ADGRD1: variants seen among roughly 807,000 people sequenced by gnomAD.
The protein encoded by ADGRD1 is G-protein coupled receptor 133.
A neutral mutation model predicts 113.4 loss-of-function variants in ADGRD1; 77 were observed. That is an observed-to-expected ratio of 0.68 (90% CI 0.57 to 0.82). ADGRD1 has a LOEUF of 0.82. Among genes scored for constraint, ADGRD1 ranks in the 40% least tolerant of loss-of-function variants. The pLI, the probability that ADGRD1 is intolerant of heterozygous loss-of-function variation, is 0.00. For missense variants in ADGRD1, 1,036 were observed against 1,139.1 expected (o/e 0.91, Z 1.30); for synonymous variants, 474 against 475.0 (o/e 1.00, Z 0.03).
intron 5 of ADGRD1, among the ~76,000 whole-genome samples, 165 bp downstream of exon 5, chr12:130,982,228 G>A (rs1445867083): frequency 2.0e-5 from 3 of 152,188 alleles, no homozygotes; most frequent in Admixed American, 2.0e-4. Flanking sequence ...TGCATGGGGA[G>A]AGGCAAGGAG....
chr12:131,005,842 C>T lies in ADGRD1; in HGVS notation c.1256-130C>T, dbSNP rs1877033711. 5 of 720,616 alleles carry T rather than the reference C, an allele frequency of 6.9e-6. No homozygotes were observed. The East Asian group carries it at 1.3e-4, about 19-fold the overall frequency. 44.6% of individuals were successfully genotyped at this position (720,616 alleles called of 1,614,324 possible). A position where few individuals can be genotyped will look rare whatever the true frequency, so the allele number is the denominator to read the frequency against. ...TTGCAAATTCTGCCCGAGTGTCCTT[C>T]ACTTCCTTCTCCCCAGAGGGTTCTT... On this transcript the variant is annotated intron_variant, in intron 11 of 24. Coordinates refer to ENST00000261654, the MANE Select transcript of ADGRD1 (RefSeq NM_198827.5).
At chr12:131,092,611 A>G (rs1048145948) in intron 15 of ADGRD1, among the ~76,000 whole-genome samples, 4 of 152,166 alleles carry the variant, frequency 2.6e-5, no homozygotes, top group Non-Finnish European at 5.9e-5. Context: ...CGTCCCAGGC[A>G]TGGGCACCTG....
intron 2 of ADGRD1, among the ~76,000 whole-genome samples, chr12:130,963,356 A>G (rs1270226757): frequency 6.6e-6 from 1 of 150,420 alleles, no homozygotes; most frequent in East Asian, 1.9e-4. Context: ...AGAAAAATTC[A>G]AATTCAAATA....
At chr12:131,028,742 G>C (rs1380671567) in intron 13 of ADGRD1, among the ~76,000 whole-genome samples, 1 of 152,174 alleles carries the variant, frequency 6.6e-6, no homozygotes, top group Non-Finnish European at 1.5e-5. Context: ...AGTCACGGGA[G>C]GGGCGACGTG....
At chr12:131,123,683 G>A (rs184218122) in intron 20 of ADGRD1, among the ~76,000 whole-genome samples, 37 of 152,160 alleles carry the variant, frequency 2.4e-4, no homozygotes, top group African/African-American at 7.5e-4. Context: ...TTAGCTGGGC[G>A]TGGTGGCGGG....
In ADGRD1 at chr12:131,139,714, C is replaced by A; in HGVS notation, c.*451C>A. 1 of 159,952 alleles carries A rather than the reference C, an allele frequency of 6.3e-6. No homozygotes were observed. The highest frequency in any genetic ancestry group is 1.4e-5 in the Non-Finnish European group (1 of 72,720). 9.9% of individuals were successfully genotyped at this position (159,952 alleles called of 1,614,324 possible). On this transcript the variant is annotated 3_prime_UTR_variant, in exon 25 of 25. Transcript: ENST00000261654. ...AGGTCCCCACGCACCCTCAGTCAGG[C>A]GCAGGCAGCTGGGGGTGTGTGGGGA...
chr12:131,007,689 A>G (rs79529773), intron 12 of ADGRD1, among the ~76,000 whole-genome samples: 7,510 of 152,322 alleles, frequency 0.049, 604 homozygotes, highest in African/African-American at 0.17. Context: ...CAGCCAAGTC[A>G]TCCCTGGTTC....
chr12:131,028,431 A>G (rs927156347), intron 13 of ADGRD1, among the ~76,000 whole-genome samples: 1 of 152,004 alleles, frequency 6.6e-6, no homozygotes, highest in Non-Finnish European at 1.5e-5. Flanking sequence ...GCTGGTGGAC[A>G]GCAGTTTTCA....
chr12:131,052,585 C>T (rs954204272), intron 13 of ADGRD1, among the ~76,000 whole-genome samples: 1 of 151,714 alleles, frequency 6.6e-6, no homozygotes, highest in Non-Finnish European at 1.5e-5. Flanking sequence ...CAGGAGCAGT[C>T]GGGGGGGCAT....
chr12:131,076,588 T>TC (rs1315970616), intron 13 of ADGRD1, among the ~76,000 whole-genome samples: 1 of 151,718 alleles, frequency 6.6e-6, no homozygotes, highest in East Asian at 1.9e-4. Flanking sequence ...GCCAGGGCCC[T>TC]TGGGTGGGTT....
At chr12:131,070,215 T>G (rs959504051) in intron 13 of ADGRD1, 7 of 152,424 alleles carry the variant, frequency 4.6e-5, no homozygotes, top group African/African-American at 1.7e-4. Context: ...CCGAGTGGGG[T>G]GACCACGGGC....
intron 13 of ADGRD1, among the ~76,000 whole-genome samples, chr12:131,062,606 G>A (rs1884420015): frequency 6.6e-6 from 1 of 152,074 alleles, no homozygotes; most frequent in Non-Finnish European, 1.5e-5. Flanking sequence ...GAGATCTGAT[G>A]GTTTTATAAA....
Position 131,057,648 on chromosome 12 carries a change from A to G in ADGRD1, c.1474-19153A>G, listed in dbSNP as rs961502484. 2.4e-4 allele frequency among the ~76,000 whole-genome samples: 37 copies of G among 152,128 alleles called. No homozygotes were observed. Among genetic ancestry groups the G allele is most frequent in the Admixed American group, 8.5e-4 (13 of 15,288 alleles). ...GTCCTTTCCCGCAGTGTACGAGGAC[A>G]CTCAGATGGGACTGAGGGCTCGTCC... is the stretch of plus-strand genomic sequence containing the variant. On this transcript the variant is annotated intron_variant, in intron 13 of 24. Transcript: ENST00000261654. The surrounding 1 kb of genome is among the most constrained non-coding windows in gnomAD (Gnocchi z 4.2).
At chr12:130,991,587 T>A (rs1874395069) in intron 7 of ADGRD1, among the ~76,000 whole-genome samples, 1 of 152,306 alleles carries the variant, frequency 6.6e-6, no homozygotes, top group Admixed American at 6.5e-5. Flanking sequence ...GCGCTTAGTG[T>A]CATCCATCAA....
chr12:131,011,811 A>G (rs1014451498), intron 12 of ADGRD1, among the ~76,000 whole-genome samples: 2 of 152,228 alleles, frequency 1.3e-5, no homozygotes, highest in Non-Finnish European at 2.9e-5. Flanking sequence ...AGAAAAGGCC[A>G]CGAGCATCGG....
intron 13 of ADGRD1, among the ~76,000 whole-genome samples, chr12:131,040,259 C>T (rs547274259): frequency 6.6e-6 from 1 of 152,176 alleles, no homozygotes; most frequent in African/African-American, 2.4e-5. Flanking sequence ...TCAGTGGCTT[C>T]CTCCTCTCCC....
chr12:131,014,084 A>G, intron 12 of ADGRD1, 115 bp from the exon 13 acceptor site: 1 of 1,036,744 alleles, frequency 9.6e-7, no homozygotes, highest in Admixed American at 2.5e-5. Context: ...GCTTCATCCA[A>G]AGAAGATTTC....
In ADGRD1 at chr12:131,141,194, T is replaced by G. The variant is rs1034867919; in HGVS notation, c.*1931T>G. 6.6e-6 allele frequency: 1 copy of G among 152,260 alleles called. No homozygotes were observed. Among genetic ancestry groups the G allele is most frequent in the African/African-American group, 2.4e-5 (1 of 41,468 alleles). 9.4% of individuals were successfully genotyped at this position (152,260 alleles called of 1,614,324 possible). A position where few individuals can be genotyped will look rare whatever the true frequency, so the allele number is the denominator to read the frequency against. On this transcript the variant is annotated 3_prime_UTR_variant, in exon 25 of 25. Transcript: ENST00000261654. The stretch of plus-strand genomic sequence containing the variant: ...TTAGATGGAATTATTTGTTTTTAAT[T>G]GTTGCCGTATTCATCTATATAGCTA...
rs570180523 is a variant in ADGRD1 at position 131,057,340 on chromosome 12, C to G, written c.1474-19461C>G. On this transcript the variant is annotated intron_variant, in intron 13 of 24. Coordinates refer to ENST00000261654, the MANE Select transcript of ADGRD1 (RefSeq NM_198827.5). This position sits in a 1 kb window ranked among gnomAD's most constrained non-coding sequence, Gnocchi z 4.2. ...GACCAGAGAATGCTTGGAAGGGGAA[C>G]GGTGGAGAAAAGGGGCCAGATGGCA... Among the ~76,000 whole-genome samples, 20 of 152,094 alleles carry G rather than the reference C, an allele frequency of 1.3e-4. No individual in the cohort carries two copies. Among genetic ancestry groups the G allele is most frequent in the Non-Finnish European group, 2.6e-4 (18 of 68,018 alleles).
Sources: allele counts gnomAD v4.1 joint callset (sites outside exome capture counted in the v4.1 genomes callset), GRCh38; gene constraint gnomAD v4.1.1; non-coding constraint Gnocchi (gnomAD v3.1); transcripts MANE v1.5; gene names NCBI Gene and HGNC (gene_info 2026-07-23, HGNC 2026-07-21).